The following RTN4 variants were observed in gnomAD, a reference collection of about 807,000 sequenced individuals.
RTN4 encodes reticulon 4, also known as reticulon-4.
A neutral mutation model predicts 90.4 loss-of-function variants in RTN4; 32 were observed. That is an observed-to-expected ratio of 0.35 (90% confidence interval 0.27 to 0.48). The LOEUF is 0.48. Ranked by LOEUF, RTN4 falls within the 20% of genes least tolerant of loss-of-function variation. RTN4 has a pLI of 0.99. For synonymous variants in RTN4, 629 were observed against 552.5 expected (o/e 1.14, Z -1.94); for missense variants, 1,706 against 1,430.2 (o/e 1.19, Z -3.11).
At chr2:55,074,603 A>G (rs1668570621) in intron 2 of RTN4, among the ~76,000 whole-genome samples, 1 of 152,138 alleles carries the variant, frequency 6.6e-6, no homozygotes. Context: ...CCTAATATCA[A>G]AATGAAGAAA....
Position 55,025,489 on chromosome 2 carries a change from C to G in RTN4, c.2610G>C (p.Glu870Asp). 1 of 1,613,634 alleles carries G rather than the reference C, an allele frequency of 6.2e-7. No homozygotes were observed. Residue 870 changes from glutamate (E) to aspartate (D), a missense_variant, in exon 3 of 9, where the codon GAG becomes GAC. Glu to Asp is a conservative substitution (Grantham distance 45). Coordinates refer to ENST00000337526, the MANE Select transcript of RTN4 (RefSeq NM_020532.5). ...SDSSPIEIID[E>D]FPTLISSKTD... ...TTTTAGAACTGATCAATGTAGGGAA[C>G]TCATCTATAATTTCAATTGGAGATG... is the stretch of plus-strand genomic sequence containing the variant.
intron 5 of RTN4, among the ~76,000 whole-genome samples, chr2:54,975,178 A>G (rs1036742058): frequency 5.3e-5 from 8 of 152,380 alleles, no homozygotes; most frequent in African/African-American, 1.7e-4. Context: ...TCAGACATTA[A>G]TATCTCAGCT....
upstream of RTN4, among the ~76,000 whole-genome samples, chr2:55,053,693 AAAC>A: frequency 9.0e-6 from 1 of 111,556 alleles, no homozygotes; most frequent in Admixed American, 8.9e-5. Flanking sequence ...TCTCAAAAAA[AAAC>A]AAAAAAAAAA....
At chr2:55,048,487 T>A (rs1356528140) in intron 1 of RTN4, among the ~76,000 whole-genome samples, 1 of 151,712 alleles carries the variant, frequency 6.6e-6, no homozygotes. Flanking sequence ...TCTTATTCTA[T>A]AAGCTTTTTT....
At chr2:55,128,880 G>C in the RTN4 span, among the ~76,000 whole-genome samples, 2 of 151,816 alleles carry the variant, frequency 1.3e-5, no homozygotes, top group African/African-American at 2.4e-5. Context: ...GCCGAGATGG[G>C]TGGATCACCT....
At chr2:55,123,048 C>T in the RTN4 span, among the ~76,000 whole-genome samples, 3 of 152,110 alleles carry the variant, frequency 2.0e-5, no homozygotes, top group Non-Finnish European at 4.4e-5. Context: ...TATCCACAGA[C>T]TTAGAAATAG....
the RTN4 span, among the ~76,000 whole-genome samples, chr2:55,133,448 T>C: frequency 3.3e-5 from 5 of 152,268 alleles, no homozygotes; most frequent in Admixed American, 3.3e-4. Flanking sequence ...AAGGTATAAA[T>C]CTACTTCCCA....
chr2:54,980,497 A>T (rs1044644490), intron 5 of RTN4, among the ~76,000 whole-genome samples: 5 of 152,262 alleles, frequency 3.3e-5, no homozygotes, highest in Non-Finnish European at 5.9e-5. Context: ...AAATAGATTT[A>T]TTCAAGAATG....
chr2:54,990,904 G>GTCTCAT (rs1678959875), intron 3 of RTN4, among the ~76,000 whole-genome samples: 1 of 151,970 alleles, frequency 6.6e-6, no homozygotes, highest in South Asian at 2.1e-4. Flanking sequence ...TCCTGCCTCA[G>GTCTCAT]CCTCCCGAGT....
At chr2:54,973,445 G>T in intron 8 of RTN4, 118 bp downstream of exon 8, 1 of 854,898 alleles carries the variant, frequency 1.2e-6, no homozygotes, top group Non-Finnish European at 1.9e-6. Flanking sequence ...CAACTCTGAA[G>T]TCACACTTAA....
chr2:55,049,838 C>G lies in RTN4; in HGVS notation c.463G>C (p.Ala155Pro). The G allele has an allele frequency of 2.3e-6, 3 of 1,312,892 alleles. No homozygotes were observed. The highest frequency in any genetic ancestry group is 2.9e-6 in the Non-Finnish European group (3 of 1,033,844). The allele number at this position is 1,312,892 out of a possible 1,614,324, so 81.3% of individuals were successfully genotyped here. The change falls in exon 1 of 9, where the codon GCA becomes CCA. Residue 155 changes from alanine (A) to proline (P), a missense_variant. Ala to Pro is a conservative substitution (Grantham distance 27, BLOSUM62 -1). Coordinates refer to ENST00000337526, the MANE Select transcript of RTN4 (RefSeq NM_020532.5). ...GCTGGCGGGGTCCACACGGGCTCTG[C>G]CTGGGGGCTCACGCTGGCCGGGGGA... ...PPPPASVSPQ[A>P]EPVWTPPAPA... is the part of the protein sequence containing the mutation.
intron 1 of RTN4, among the ~76,000 whole-genome samples, chr2:55,045,391 T>G (rs1487924742): frequency 1.3e-5 from 2 of 152,216 alleles, no homozygotes; most frequent in Non-Finnish European, 2.9e-5. Flanking sequence ...ACTCTTATAT[T>G]CCTCCCTTCT....
At chr2:55,086,000 A>G (rs1668830456) in intron 1 of RTN4, among the ~76,000 whole-genome samples, 1 of 152,368 alleles carries the variant, frequency 6.6e-6, no homozygotes, top group South Asian at 2.1e-4. Flanking sequence ...TTGTAGCGTC[A>G]ATAGGTGATA....
chr2:55,002,040 C>G (rs1037035918), intron 3 of RTN4, among the ~76,000 whole-genome samples: 3 of 150,974 alleles, frequency 2.0e-5, no homozygotes, highest in African/African-American at 4.8e-5. Context: ...TAAAGTCAAT[C>G]AAATCTTATT....
intron 1 of RTN4, among the ~76,000 whole-genome samples, chr2:55,037,241 C>G (rs1171344364): frequency 6.6e-6 from 1 of 152,172 alleles, no homozygotes; most frequent in Non-Finnish European, 1.5e-5. Flanking sequence ...ATCTAAACAA[C>G]AGAGATATCA....
intron 1 of RTN4, among the ~76,000 whole-genome samples, chr2:55,031,497 T>C (rs1558830690): frequency 6.6e-6 from 1 of 152,334 alleles, no homozygotes; most frequent in East Asian, 1.9e-4. Flanking sequence ...ACGCTGCATG[T>C]GCACAGCACA....
intron 1 of RTN4, among the ~76,000 whole-genome samples, chr2:55,105,418 T>C (rs1573520411): frequency 1.3e-5 from 2 of 151,844 alleles, no homozygotes; most frequent in South Asian, 2.1e-4. Context: ...TTAGTAGAGA[T>C]GGGTTTTCGC....
intron 1 of RTN4, among the ~76,000 whole-genome samples, chr2:55,086,639 C>A (rs1365335704): frequency 6.6e-6 from 1 of 152,172 alleles, no homozygotes; most frequent in East Asian, 1.9e-4. Flanking sequence ...TACTGCACTT[C>A]AGCCTGGGCA....
chr2:54,972,195 G>T lies in RTN4; in HGVS notation c.*961C>A, dbSNP rs569849367. On this transcript the variant is annotated 3_prime_UTR_variant, in exon 9 of 9. Coordinates refer to ENST00000337526, the MANE Select transcript of RTN4 (RefSeq NM_020532.5). ...ATGAAAATACCAAAGCATATTTTAA[G>T]TCTATAAGCTTTATTGATACTTTGC... 6.5e-6 allele frequency: 1 copy of T among 152,762 alleles called. No homozygotes were observed. Among genetic ancestry groups the T allele is most frequent in the Admixed American group, 6.5e-5 (1 of 15,304 alleles). 9.5% of individuals were successfully genotyped at this position (152,762 alleles called of 1,614,324 possible).
Sources: allele counts gnomAD v4.1 joint callset (sites outside exome capture counted in the v4.1 genomes callset), GRCh38; gene constraint gnomAD v4.1.1; transcripts MANE v1.5; gene names NCBI Gene and HGNC (gene_info 2026-07-23, HGNC 2026-07-21).